Variants in PRKAR1A observed in about 807,000 individuals in gnomAD.
PRKAR1A encodes the protein protein kinase cAMP-dependent type I regulatory subunit alpha, also known as cAMP-dependent protein kinase type I-alpha regulatory subunit.
PRKAR1A carries 3 observed loss-of-function variants against 52.0 expected under a neutral mutation model. The observed-to-expected ratio is 0.06, with a 90% confidence interval of 0.03 to 0.15. The LOEUF is 0.15. Among genes scored for constraint, PRKAR1A ranks in the 10% least tolerant of loss-of-function variants. The pLI, the probability that PRKAR1A is intolerant of heterozygous loss-of-function variation, is 1.00. For missense variants in PRKAR1A, 240 were observed against 477.4 expected, an observed-to-expected ratio of 0.50 and a Z score of 4.63; for synonymous variants, 188 against 168.4, an observed-to-expected ratio of 1.12 and a Z score of -0.90.
rs546304679 is a variant in PRKAR1A at position 68,544,083 on chromosome 17, C to T, written c.974-7001C>T. ...GAAGAGAGGGGAATGGTTAGCAGAA[C>T]CAGAGGTAGTGCAGATCCAGATGTC... On this transcript the variant is annotated intron_variant, in intron 11 of 11. Transcript: ENST00000585981. 3.9e-5 allele frequency among the ~76,000 whole-genome samples: 6 copies of T among 152,138 alleles called. No individual in the cohort carries two copies. In the South Asian group the frequency reaches 1.2e-3, roughly 32 times the overall value.
the PRKAR1A span, among the ~76,000 whole-genome samples, chr17:68,483,075 A>G: frequency 0.21 from 32,404 of 151,884 alleles, 3,777 homozygotes; most frequent in Middle Eastern, 0.27. Flanking sequence ...TGTCTTCTAC[A>G]TATTCGTTAG....
At chr17:68,523,211 G>A (rs2085673476) in intron 3 of PRKAR1A, among the ~76,000 whole-genome samples, 2 of 152,120 alleles carry the variant, frequency 1.3e-5, no homozygotes, top group Non-Finnish European at 2.9e-5. Context: ...CTCTTGAATC[G>A]TGATGTCCTT....
the PRKAR1A span, among the ~76,000 whole-genome samples, chr17:68,463,734 T>C: frequency 1.3e-5 from 2 of 151,976 alleles, no homozygotes. Flanking sequence ...GGGAAAAAGC[T>C]CAAAGAGCAG....
chr17:68,421,906 A>C, the PRKAR1A span: 4 of 1,561,312 alleles, frequency 2.6e-6, no homozygotes, highest in South Asian at 4.4e-5. Context: ...GTGCCCATGC[A>C]GAGTGAGCAG....
At chr17:68,427,211 G>A in the PRKAR1A span, 1 of 1,614,186 alleles carries the variant, frequency 6.2e-7, no homozygotes, top group Non-Finnish European at 8.5e-7. Context: ...AAGGTCTGAG[G>A]TCATTTTCTT....
At chr17:68,481,655 A>T in the PRKAR1A span, among the ~76,000 whole-genome samples, 5 of 152,220 alleles carry the variant, frequency 3.3e-5, no homozygotes, top group African/African-American at 1.2e-4. Context: ...ATTTCCAGGT[A>T]GCCAGACATT....
chr17:68,493,693 A>T, the PRKAR1A span: 1 of 151,956 alleles, frequency 6.6e-6, no homozygotes, highest in African/African-American at 2.4e-5. Context: ...TCCTGGGTTC[A>T]AGCGATTCTC....
the PRKAR1A span, among the ~76,000 whole-genome samples, chr17:68,489,464 AATAT>A: frequency 7.1e-6 from 1 of 140,614 alleles, no homozygotes; most frequent in Non-Finnish European, 1.5e-5. Context: ...AAATGGAAAA[AATAT>A]ATATATATGG....
At chr17:68,523,970 G>C (rs535593370) in intron 4 of PRKAR1A, 46 bp from the exon 5 acceptor site, 126 of 1,604,034 alleles carry the variant, frequency 7.9e-5, no homozygotes, top group Non-Finnish European at 1.0e-4. Context: ...TGAAATTCAC[G>C]GAAGAGACAT....
At chr17:68,424,099 G>C in the PRKAR1A span, among the ~76,000 whole-genome samples, 2 of 152,290 alleles carry the variant, frequency 1.3e-5, no homozygotes, top group African/African-American at 4.8e-5. Flanking sequence ...TTTAAGGCCA[G>C]TTGGGGCCAT....
At chr17:68,427,395 T>C in the PRKAR1A span, 14 of 620,534 alleles carry the variant, frequency 2.3e-5, no homozygotes, top group Non-Finnish European at 3.0e-5. Context: ...CTTGCTCTAT[T>C]GCCCAGGCTG....
At chr17:68,507,842 G>A (rs1195477021), upstream of PRKAR1A, among the ~76,000 whole-genome samples, 1 of 152,182 alleles carries the variant, frequency 6.6e-6, no homozygotes, top group African/African-American at 2.4e-5. Flanking sequence ...CATTTTAGAA[G>A]AGATTCATAC....
At chr17:68,414,212 GT>G in the PRKAR1A span, 1 of 152,194 alleles carries the variant, frequency 6.6e-6, no homozygotes, top group East Asian at 1.9e-4. Context: ...ATTTTGCTGA[GT>G]TTTAATCATA....
chr17:68,486,506 C>CTTCT, the PRKAR1A span, among the ~76,000 whole-genome samples: 773 of 48,034 alleles, frequency 0.016, 8 homozygotes, highest in Middle Eastern at 0.022. Flanking sequence ...TCCTTCCTTC[C>CTTCT]TTCTTTCTTT....
Position 68,523,708 on chromosome 17 carries a change from C to T in PRKAR1A, c.349-17C>T, listed in dbSNP as rs757749000. On this transcript the variant is annotated splice_polypyrimidine_tract_variant and intron_variant, in intron 3 of 10. Coordinates refer to ENST00000589228, the MANE Select transcript of PRKAR1A (RefSeq NM_002734.5). ...TTGGTTTATGGAATTGTCATTTGAC[C>T]TTCAGTTCTTTTCTAGGTTATACCA... The T allele has an allele frequency of 1.8e-5, 28 of 1,590,954 alleles. No individual in the cohort carries two copies. The highest frequency in any genetic ancestry group is 5.5e-5 in the South Asian group (5 of 90,402).
chr17:68,457,155 T>A, the PRKAR1A span, among the ~76,000 whole-genome samples: 10 of 147,622 alleles, frequency 6.8e-5, no homozygotes, highest in Non-Finnish European at 1.4e-4. Context: ...TGGGGTGGGG[T>A]GGGGGGTGCG....
the PRKAR1A span, among the ~76,000 whole-genome samples, chr17:68,461,901 C>G: frequency 6.6e-6 from 1 of 152,104 alleles, no homozygotes; most frequent in Non-Finnish European, 1.5e-5. This position sits in a 1 kb window ranked among gnomAD's most constrained non-coding sequence, Gnocchi z 4.6. Flanking sequence ...GAAGCCCCAG[C>G]CAGAAGTCTG....
chr17:68,482,563 C>A, the PRKAR1A span, among the ~76,000 whole-genome samples: 2 of 152,264 alleles, frequency 1.3e-5, no homozygotes, highest in East Asian at 3.9e-4. Flanking sequence ...TAAAATTCCT[C>A]TTTGTTTTCA....
At chr17:68,458,688 A>G in the PRKAR1A span, among the ~76,000 whole-genome samples, 2 of 152,250 alleles carry the variant, frequency 1.3e-5, no homozygotes, top group African/African-American at 4.8e-5. Flanking sequence ...TGAGTACTGT[A>G]CATGTTCCCA....
Sources: allele counts gnomAD v4.1 joint callset (sites outside exome capture counted in the v4.1 genomes callset), GRCh38; gene constraint gnomAD v4.1.1; non-coding constraint Gnocchi (gnomAD v3.1); transcripts MANE v1.5; gene names NCBI Gene and HGNC (gene_info 2026-07-23, HGNC 2026-07-21).